The following CTNNA3 variants were observed in gnomAD, a reference collection of about 807,000 sequenced individuals.
CTNNA3 encodes the protein catenin alpha-3.
A neutral mutation model predicts 95.7 loss-of-function variants in CTNNA3; 76 were observed. That is an observed-to-expected ratio of 0.79 (90% CI 0.66 to 0.96). The LOEUF (loss-of-function observed/expected upper bound fraction) is 0.96, where lower values mean the gene tolerates loss of function less well. Ranked by LOEUF, CTNNA3 falls within the 40% of genes least tolerant of loss-of-function variation. The pLI, the probability that CTNNA3 is intolerant of heterozygous loss-of-function variation, is 0.00. For missense variants in CTNNA3, 1,191 were observed against 1,089.8 expected, an observed-to-expected ratio of 1.09 and a Z score of -1.31; for synonymous variants, 431 against 374.4, an observed-to-expected ratio of 1.15 and a Z score of -1.74.
At chr10:67,360,177 C>T (rs542531864) in intron 5 of CTNNA3, among the ~76,000 whole-genome samples, 30 of 152,018 alleles carry the variant, frequency 2.0e-4, no homozygotes, top group African/African-American at 5.5e-4. Flanking sequence ...TTACCACTAG[C>T]CCGGCTATAA....
chr10:66,808,452 G>A (rs1287261710), intron 7 of CTNNA3, among the ~76,000 whole-genome samples: 2 of 152,144 alleles, frequency 1.3e-5, no homozygotes, highest in Non-Finnish European at 2.9e-5. Context: ...CTGATACACT[G>A]CTGGTGTAGA....
rs747469235 is a variant in CTNNA3, at chr10:66,927,156, A to G, written c.1048-151632T>C. 18 of 1,614,044 alleles carry G rather than the reference A, an allele frequency of 1.1e-5. No homozygotes were observed. The highest frequency in any genetic ancestry group is 1.6e-4 in the Middle Eastern group (1 of 6,084). On this transcript the variant is annotated intron_variant, in intron 7 of 17. Coordinates refer to ENST00000433211, the MANE Select transcript of CTNNA3 (RefSeq NM_013266.4). This position sits in a 1 kb window ranked among gnomAD's most constrained non-coding sequence, Gnocchi z 4.7. ...GCCTTCAAAAACTTAAGTATAATCA[A>G]TTTAAAGGGCTCAACCAGCTCACCT...
rs536825430 is a variant in CTNNA3 at position 66,743,974 on chromosome 10, CAAAAAAAAAAAAAAA to C, written c.1281+22275_1281+22289del. Among the ~76,000 whole-genome samples the C allele has an allele frequency of 6.7e-5, 3 of 45,064 alleles. No individual in the cohort carries two copies. In the South Asian group the frequency reaches 3.4e-3, roughly 51 times the overall value. 29.6% of individuals were successfully genotyped at this position (45,064 alleles called of 152,430 possible). On this transcript the variant is annotated intron_variant, in intron 9 of 17. Transcript: ENST00000433211. ...CTGGTGACACAGTGAGATTCCATCT[CAAAAAAAAAAAAAAA>C]AAAAAAAAAAGGAAAGAAGGAGGAA...
At chr10:67,499,148 GTGTTGAATTT>G (rs952384555) in intron 5 of CTNNA3, among the ~76,000 whole-genome samples, 2 of 152,160 alleles carry the variant, frequency 1.3e-5, no homozygotes, top group African/African-American at 4.8e-5. Context: ...GCATGAAGCG[GTGTTGAATTT>G]TGTTGAAGGC....
intron 12 of CTNNA3, among the ~76,000 whole-genome samples, chr10:66,362,837 A>T: frequency 6.6e-6 from 1 of 152,200 alleles, no homozygotes; most frequent in Non-Finnish European, 1.5e-5. Flanking sequence ...TTTACAGACT[A>T]AGATGCTTTC....
At chr10:66,919,134 T>TAAAA (rs5785804) in intron 7 of CTNNA3, among the ~76,000 whole-genome samples, 4 of 111,940 alleles carry the variant, frequency 3.6e-5, no homozygotes, top group Admixed American at 9.9e-5. Context: ...GACTCTGTCT[T>TAAAA]AAAAAAAAAA....
chr10:67,648,624 T>C, intron 1 of CTNNA3: 4 of 777,872 alleles, frequency 5.1e-6, no homozygotes, highest in Non-Finnish European at 3.6e-6. Flanking sequence ...TCAAATTCTA[T>C]TAAGTGAAAA....
chr10:66,758,673 G>A (rs532243086), intron 9 of CTNNA3, among the ~76,000 whole-genome samples: 15 of 152,246 alleles, frequency 9.9e-5, no homozygotes, highest in Admixed American at 5.2e-4. Flanking sequence ...GGTGGCTCAC[G>A]CCTGTAATCT....
At chr10:67,200,108 G>A (rs1234644909) in intron 6 of CTNNA3, among the ~76,000 whole-genome samples, 8 of 152,116 alleles carry the variant, frequency 5.3e-5, no homozygotes, top group African/African-American at 2.4e-5. Flanking sequence ...TCACAATAGC[G>A]AACAGGAGAG....
chr10:66,161,984 A>G (rs747801995), intron 13 of CTNNA3, among the ~76,000 whole-genome samples: 5 of 151,920 alleles, frequency 3.3e-5, no homozygotes, highest in Non-Finnish European at 7.4e-5. Context: ...TACTTGTTCA[A>G]TTCTATTGAT....
intron 7 of CTNNA3, among the ~76,000 whole-genome samples, chr10:66,936,715 G>C (rs1321027250): frequency 6.6e-6 from 1 of 151,984 alleles, no homozygotes; most frequent in African/African-American, 2.4e-5. Context: ...CCATTTCCAT[G>C]TATTTTCTCT....
At chr10:66,108,297 T>C (rs1490826074) in intron 13 of CTNNA3, among the ~76,000 whole-genome samples, 1 of 152,178 alleles carries the variant, frequency 6.6e-6, no homozygotes, top group Non-Finnish European at 1.5e-5. Context: ...ACTGGCACTC[T>C]ACCTTATAAA....
chr10:66,984,489 ATC>A, intron 7 of CTNNA3, among the ~76,000 whole-genome samples: 1 of 152,278 alleles, frequency 6.6e-6, no homozygotes, highest in Middle Eastern at 3.4e-3. Context: ...AGGAAATAAA[ATC>A]TGTGTTTCTT....
chr10:67,493,853 G>C (rs1032649158), intron 5 of CTNNA3, among the ~76,000 whole-genome samples: 1 of 152,154 alleles, frequency 6.6e-6, no homozygotes, highest in Non-Finnish European at 1.5e-5. Flanking sequence ...GTATTGCTTT[G>C]AAAGAAGGTT....
chr10:67,262,610 A>G (rs1866664622), intron 5 of CTNNA3, among the ~76,000 whole-genome samples: 1 of 152,150 alleles, frequency 6.6e-6, no homozygotes, highest in Admixed American at 6.6e-5. Flanking sequence ...TAAAAACCGA[A>G]ACCGCTTTAA....
chr10:66,053,713 T>C (rs1225043274), intron 15 of CTNNA3, among the ~76,000 whole-genome samples: 2 of 152,100 alleles, frequency 1.3e-5, no homozygotes, highest in Non-Finnish European at 2.9e-5. Flanking sequence ...TAACATATAA[T>C]GATTAAATAA....
intron 5 of CTNNA3, among the ~76,000 whole-genome samples, chr10:67,333,740 G>T (rs1841883809): frequency 1.3e-5 from 2 of 152,126 alleles, no homozygotes; most frequent in Non-Finnish European, 2.9e-5. Flanking sequence ...CTATCACACT[G>T]TCCTTTAAGG....
intron 5 of CTNNA3, among the ~76,000 whole-genome samples, chr10:67,267,794 G>A (rs1476147493): frequency 6.6e-6 from 1 of 152,118 alleles, no homozygotes; most frequent in African/African-American, 2.4e-5. Context: ...AGACAGGCTG[G>A]AACATGGGAC....
At chr10:66,499,215 A>G (rs1840198129) in intron 11 of CTNNA3, among the ~76,000 whole-genome samples, 1 of 152,194 alleles carries the variant, frequency 6.6e-6, no homozygotes, top group African/African-American at 2.4e-5. Flanking sequence ...CACCAAAACC[A>G]TATATAATCT....
Sources: allele counts gnomAD v4.1 joint callset (sites outside exome capture counted in the v4.1 genomes callset), GRCh38; gene constraint gnomAD v4.1.1; non-coding constraint Gnocchi (gnomAD v3.1); transcripts MANE v1.5; gene names NCBI Gene and HGNC (gene_info 2026-07-23, HGNC 2026-07-21).